The following PHF3 variants were observed in gnomAD, a reference collection of about 807,000 sequenced individuals.
The protein encoded by PHF3 is PHD finger protein 3.
PHF3 carries 41 observed loss-of-function variants against 178.4 expected under a neutral mutation model. The observed-to-expected ratio is 0.23, with a 90% CI of 0.18 to 0.30. The LOEUF (loss-of-function observed/expected upper bound fraction) is 0.30, where lower values mean the gene tolerates loss of function less well. PHF3 is among the 10% of genes least tolerant of loss of function. The pLI is 1.00. For missense variants in PHF3, 2,346 were observed against 2,398.1 expected (o/e 0.98, Z 0.45); for synonymous variants, 842 against 800.5 (o/e 1.05, Z -0.88).
Position 63,706,174 on chromosome 6 carries a change from T to G in PHF3, c.3513T>G (p.Phe1171Leu). 1 of 1,614,024 alleles carries G rather than the reference T, an allele frequency of 6.2e-7. No homozygotes were observed. The highest frequency in any genetic ancestry group is 8.5e-7 in the Non-Finnish European group (1 of 1,179,916). The change falls in exon 12 of 16, where the codon TTT (phenylalanine) becomes TTG (leucine). Residue 1171 changes from phenylalanine (F) to leucine (L), a missense_variant. Physicochemically the swap from Phe to Leu is conservative, Grantham distance 22. Transcript: ENST00000262043. ...CAAATATTTTGGCTTCTGAATTCTT[T>G]GAGGAGGAGAAACAGGAGTCTCCAA... The part of the protein sequence containing the change: ...STSNILASEF[F>L]EEEKQESPKS...
In PHF3 at chr6:63,721,413, T is replaced by G; in HGVS notation, c.*7705T>G. On this transcript the variant is annotated 3_prime_UTR_variant, in exon 16 of 16. Coordinates refer to ENST00000262043, the MANE Select transcript of PHF3 (RefSeq NM_001370348.2). ...GTACCCACAGGCTGTCCCATCACAG[T>G]CACCTACATTTGAGCCACCTTTTGC... The G allele has an allele frequency of 6.4e-7, 1 of 1,551,736 alleles. No individual in the cohort carries two copies. Among genetic ancestry groups the G allele is most frequent in the Non-Finnish European group, 8.7e-7 (1 of 1,146,950 alleles).
In PHF3 at chr6:63,712,939, C is replaced by T. The variant is rs138201915; in HGVS notation, c.5351C>T (p.Ser1784Phe). 1.2e-6 allele frequency: 2 copies of T among 1,614,000 alleles called. No homozygotes were observed. The highest frequency in any genetic ancestry group is 3.3e-5 in the Admixed American group (2 of 59,988). The change falls in exon 16 of 16, where the codon TCC (serine) becomes TTC (phenylalanine). Residue 1784 changes from serine to phenylalanine, a missense_variant. Ser to Phe is a radical substitution (Grantham distance 155). Around this residue, in one of 8 missense-constraint regions of PHF3, gnomAD observed 839 missense variants for 806.9 expected, o/e 1.04. Transcript: ENST00000262043. ...CCTTCTAAAAGCATCACCTTTACTTCCAGAAGCACCAGCCCCAGAACAAGT... is the reference window on the plus strand; with the variant it reads ...CCTTCTAAAAGCATCACCTTTACTTTCAGAAGCACCAGCCCCAGAACAAGT... ...EFPSKSITFTSRSTSPRTSTN... is the reference protein window; with the variant it reads ...EFPSKSITFTFRSTSPRTSTN...
At chr6:63,658,078 A>G (rs1275260954) in intron 2 of PHF3, among the ~76,000 whole-genome samples, 1 of 152,166 alleles carries the variant, frequency 6.6e-6, no homozygotes, top group East Asian at 1.9e-4. Flanking sequence ...TGGGTATTCA[A>G]GTAGGGGAAG....
chr6:63,702,259 C>T (rs921849575), intron 9 of PHF3: 7 of 209,294 alleles, frequency 3.3e-5, no homozygotes, highest in Non-Finnish European at 5.7e-5. Flanking sequence ...CATTTGCCTC[C>T]TGATATAAAT....
chr6:63,698,662 C>T (rs1202813374), intron 8 of PHF3, 57 bp downstream of exon 8: 5 of 1,230,682 alleles, frequency 4.1e-6, no homozygotes, highest in Admixed American at 5.1e-5. Context: ...ACATAGGTAT[C>T]TCAGATTGTA....
In PHF3 at chr6:63,680,194, T is replaced by C. The variant is rs1176184295; in HGVS notation, c.406+33T>C. On this transcript the variant is annotated intron_variant, in intron 3 of 15. Transcript: ENST00000262043. ...TTTGAGAGAGGTCTAGCTAGAAAATTAGAGGTATAGGGACAGATGTGTTAG... is the reference window on the plus strand; with the variant it reads ...TTTGAGAGAGGTCTAGCTAGAAAATCAGAGGTATAGGGACAGATGTGTTAG... 3.9e-6 allele frequency: 6 copies of C among 1,542,304 alleles called. No homozygotes were observed. The African/African-American group carries it at 5.5e-5, about 14-fold the overall frequency.
chr6:63,707,468 AGC>A (rs1767743684), intron 13 of PHF3, among the ~76,000 whole-genome samples: 1 of 152,240 alleles, frequency 6.6e-6, no homozygotes, highest in African/African-American at 2.4e-5. Flanking sequence ...ATGGAAAATA[AGC>A]AGCAGTAACA....
chr6:63,644,870 A>G (rs1764716728), intron 1 of PHF3, among the ~76,000 whole-genome samples: 1 of 151,022 alleles, frequency 6.6e-6, no homozygotes, highest in Non-Finnish European at 1.5e-5. Flanking sequence ...GGCCCCAGGC[A>G]GTCACTAATT....
Position 63,713,393 on chromosome 6 carries a change from T to C in PHF3, c.5805T>C (p.His1935=), listed in dbSNP as rs780407710. The change falls in exon 16 of 16, where the codon CAT becomes CAC. Residue 1935 remains histidine, a synonymous_variant. Coordinates refer to ENST00000262043, the MANE Select transcript of PHF3 (RefSeq NM_001370348.2). ...SDSHHLKRER[H]EKEWEQESER... ...CACACCATTTGAAAAGAGAGCGACA[T>C]GAAAAGGAATGGGAGCAAGAATCTG... 7.4e-6 allele frequency: 12 copies of C among 1,613,186 alleles called. 1 individual carries two copies. In the South Asian group the frequency reaches 1.3e-4, roughly 18 times the overall value.
intron 2 of PHF3, among the ~76,000 whole-genome samples, chr6:63,656,650 T>C (rs1311030028): frequency 6.6e-6 from 1 of 152,242 alleles, no homozygotes. Flanking sequence ...CTCTGAGCTT[T>C]ACTGCTCTCC....
At chr6:63,652,958 G>A (rs1765078217) in intron 2 of PHF3, among the ~76,000 whole-genome samples, 1 of 150,324 alleles carries the variant, frequency 6.7e-6, no homozygotes, top group Non-Finnish European at 1.5e-5. Flanking sequence ...TTGAAGTCCA[G>A]TAGTGTGATA....
chr6:63,648,227 T>G (rs1028472481), intron 2 of PHF3, among the ~76,000 whole-genome samples: 1 of 152,226 alleles, frequency 6.6e-6, no homozygotes, highest in Non-Finnish European at 1.5e-5. Flanking sequence ...GTTTTAAAGC[T>G]TTTAAAATTT....
intron 2 of PHF3, among the ~76,000 whole-genome samples, chr6:63,659,350 A>G (rs1172144237): frequency 1.3e-5 from 2 of 152,230 alleles, no homozygotes; most frequent in Non-Finnish European, 2.9e-5. Context: ...GCTATTTTAT[A>G]TATGTTGTCA....
chr6:63,653,006 A>T (rs1428379608), intron 2 of PHF3, among the ~76,000 whole-genome samples: 6 of 132,980 alleles, frequency 4.5e-5, no homozygotes, highest in African/African-American at 1.7e-4. Flanking sequence ...TTTGCTCAGG[A>T]TTATGTTGGC....
chr6:63,678,243 A>G (rs1766268453), intron 2 of PHF3, among the ~76,000 whole-genome samples: 1 of 151,752 alleles, frequency 6.6e-6, no homozygotes, highest in South Asian at 2.1e-4. Context: ...AAAAAAAAAC[A>G]AAAAACAACA....
In PHF3 at chr6:63,714,617, A is replaced by G. The variant is rs1768120408; in HGVS notation, c.*909A>G. 1 of 152,382 alleles carries G rather than the reference A, an allele frequency of 6.6e-6. No homozygotes were observed. Among genetic ancestry groups the G allele is most frequent in the South Asian group, 2.1e-4 (1 of 4,826 alleles). The allele number at this position is 152,382 out of a possible 1,614,324, so 9.4% of individuals were successfully genotyped here. On this transcript the variant is annotated 3_prime_UTR_variant, in exon 16 of 16. Transcript: ENST00000262043. ...AAAAACAATTTTTTTAAAATCTTAAATTGTAGGCTGAGATGAATTGTGTAG... is the reference window on the plus strand; with the variant it reads ...AAAAACAATTTTTTTAAAATCTTAAGTTGTAGGCTGAGATGAATTGTGTAG...
rs749234787 is a variant in PHF3 at position 63,691,915 on chromosome 6, A to T, written c.2368A>T (p.Thr790Ser). The change falls in exon 5 of 16, where the codon ACA (threonine) becomes TCA (serine). Residue 790 changes from threonine to serine, a missense_variant. Physicochemically the swap from Thr to Ser is moderately conservative, Grantham distance 58. Transcript: ENST00000262043. ...TCCAGATACTTTGGAAAACCAAGCT[A>T]CAGTTGAATTCCATAGTGGAGATAA... ...LDPDTLENQA[T>S]VEFHSGDKTM... The T allele has an allele frequency of 1.9e-6, 3 of 1,613,864 alleles. No homozygotes were observed. The highest frequency in any genetic ancestry group is 2.5e-6 in the Non-Finnish European group (3 of 1,179,872).
At chr6:63,698,018 A>G (rs1237290782) in intron 6 of PHF3, among the ~76,000 whole-genome samples, 1 of 152,178 alleles carries the variant, frequency 6.6e-6, no homozygotes, top group Non-Finnish European at 1.5e-5. Flanking sequence ...CCATTGTCTA[A>G]ATTGAGGAAA....
chr6:63,696,152 A>G (rs1767219920), intron 6 of PHF3, among the ~76,000 whole-genome samples: 1 of 152,170 alleles, frequency 6.6e-6, no homozygotes, highest in Non-Finnish European at 1.5e-5. Flanking sequence ...TACAATGCAA[A>G]TATTCCAAGA....
Sources: gnomAD v4.1 joint callset for allele counts (sites outside exome capture counted in the v4.1 genomes callset) on GRCh38, gnomAD v4.1.1 for gene constraint, gnomAD v4.1.1 regional missense constraint, MANE v1.5 for transcripts, NCBI Gene and HGNC (gene_info 2026-07-23, HGNC 2026-07-21) for gene names.